ARID3A: variants seen among roughly 807,000 people sequenced by gnomAD.
ARID3A encodes the protein AT-rich interactive domain-containing protein 3A.
ARID3A carries 11 observed loss-of-function variants against 52.7 expected under a neutral mutation model. The observed-to-expected ratio is 0.21, with a 90% CI of 0.13 to 0.35. The LOEUF is 0.35. ARID3A is among the 10% of genes least tolerant of loss of function. The probability of loss-of-function intolerance (pLI) is 1.00; values close to 1 mark genes in which losing one functional copy is unlikely to be tolerated. For missense variants in ARID3A, 721 were observed against 838.5 expected (o/e 0.86, Z 1.73); for synonymous variants, 404 against 359.4 (o/e 1.12, Z -1.40).
chr19:955,858 C>G (rs188930309), intron 3 of ARID3A, among the ~76,000 whole-genome samples: 3 of 152,168 alleles, frequency 2.0e-5, no homozygotes, highest in Admixed American at 1.3e-4. Context: ...CCTCAAACCG[C>G]GGGCGTAAAA....
At chr19:946,659 T>G (rs2037689396) in intron 3 of ARID3A, among the ~76,000 whole-genome samples, 1 of 152,160 alleles carries the variant, frequency 6.6e-6, no homozygotes, top group Non-Finnish European at 1.5e-5. Flanking sequence ...CAGGCTGGTC[T>G]CAAGCTCCTG....
In ARID3A at chr19:959,596, C is replaced by A. The variant is rs1207604670; in HGVS notation, c.694-496C>A. Among the ~76,000 whole-genome samples the A allele has an allele frequency of 3.3e-5, 5 of 152,116 alleles. No homozygotes were observed. Among genetic ancestry groups the A allele is most frequent in the Non-Finnish European group, 7.4e-5 (5 of 68,020 alleles). On this transcript the variant is annotated intron_variant, in intron 3 of 8. Transcript: ENST00000263620. This position sits in a 1 kb window ranked among gnomAD's most constrained non-coding sequence, Gnocchi z 5.0. ...GAAGTTGGTTTTGGACTTCTGGGCTCCGGGACCGCGGGAGAATAGATTTCT... is the reference window on the plus strand; with the variant it reads ...GAAGTTGGTTTTGGACTTCTGGGCTACGGGACCGCGGGAGAATAGATTTCT...
rs2037266136 is a variant in ARID3A, at chr19:929,319, T to G, written c.-210T>G. ...AGCCTCTGTCCCCTGGAGCCCAGCG[T>G]GAGGAAGAGGCATGCCCCATCAGCC... On this transcript the variant is annotated 5_prime_UTR_variant, in exon 2 of 9. An upstream open reading frame in the 5' UTR loses its in-frame stop. Transcript: ENST00000263620. This position sits in a 1 kb window ranked among gnomAD's most constrained non-coding sequence, Gnocchi z 6.2. 2 of 528,338 alleles carry G rather than the reference T, an allele frequency of 3.8e-6. No individual in the cohort carries two copies. Among genetic ancestry groups the G allele is most frequent in the East Asian group, 5.5e-5 (1 of 18,062 alleles). The allele number at this position is 528,338 out of a possible 1,614,324, so 32.7% of individuals were successfully genotyped here.
intron 3 of ARID3A, among the ~76,000 whole-genome samples, chr19:954,004 G>T (rs912093585): frequency 6.6e-6 from 1 of 152,166 alleles, no homozygotes; most frequent in Non-Finnish European, 1.5e-5. Context: ...CAGTGAGCTA[G>T]GGTCTCACCA....
At chr19:932,868 C>G in intron 3 of ARID3A, 126 bp downstream of exon 3, 2 of 1,476,838 alleles carry the variant, frequency 1.4e-6, no homozygotes, top group Non-Finnish European at 1.8e-6. Context: ...GGGGTTCCTG[C>G]GGTAGCTGTG....
rs114962932 is a variant in ARID3A at position 945,624 on chromosome 19, C to T, written c.693+12882C>T. On this transcript the variant is annotated intron_variant, in intron 3 of 8. Transcript: ENST00000263620. The stretch of plus-strand genomic sequence containing the variant: ...AGGTGTACCCCAAGGGACCCCGGAC[C>T]CTGAGCCCACCAGGGAGGGCCCTTC... Among the ~76,000 whole-genome samples the T allele has an allele frequency of 5.7e-3, 866 of 152,288 alleles. 9 individuals carry two copies. Among genetic ancestry groups the T allele is most frequent in the African/African-American group, 0.02 (832 of 41,554 alleles).
chr19:932,690 A>G lies in ARID3A; in HGVS notation c.641A>G (p.Gln214Arg). ...GGAGGGGCCGCCCACGTAGCCCCGCAGCTGCAGCCGCCTGACCACGGCGAC... is the reference window on the plus strand; with the variant it reads ...GGAGGGGCCGCCCACGTAGCCCCGCGGCTGCAGCCGCCTGACCACGGCGAC... ...HPGGAAHVAP[Q>R]LQPPDHGDWT... is the part of the protein sequence containing the mutation. The change falls in exon 3 of 9, where the codon CAG (glutamine) becomes CGG (arginine). Residue 214 changes from glutamine to arginine, a missense_variant. By Grantham distance (43) the Gln-to-Arg change is conservative. Around this residue, in one of 5 missense-constraint regions of ARID3A, gnomAD observed 349 missense variants for 297.3 expected, o/e 1.17. Transcript: ENST00000263620. 1 of 1,546,996 alleles carries G rather than the reference A, an allele frequency of 6.5e-7. No homozygotes were observed. The highest frequency in any genetic ancestry group is 2.4e-5 in the East Asian group (1 of 40,836).
Position 947,896 on chromosome 19 carries a change from C to T in ARID3A, c.694-12196C>T, listed in dbSNP as rs1386796940. 2.0e-5 allele frequency among the ~76,000 whole-genome samples: 3 copies of T among 152,192 alleles called. No homozygotes were observed. Among genetic ancestry groups the T allele is most frequent in the Admixed American group, 6.5e-5 (1 of 15,286 alleles). ...CGGCGGGGCTCTCAGCATCTGCATC[C>T]GCCGAGGCCTGGCTGTGCTGACGGG... is the stretch of plus-strand genomic sequence containing the variant. On this transcript the variant is annotated intron_variant, in intron 3 of 8. Transcript: ENST00000263620. The surrounding 1 kb of genome is among the most constrained non-coding windows in gnomAD (Gnocchi z 6.3).
At chr19:945,142 A>G (rs982757163) in intron 3 of ARID3A, among the ~76,000 whole-genome samples, 3 of 152,072 alleles carry the variant, frequency 2.0e-5, no homozygotes, top group African/African-American at 7.2e-5. Flanking sequence ...GTGGTTATTC[A>G]TTGCTTTAAT....
At chr19:966,141 A>G (rs2038146118) in intron 6 of ARID3A, among the ~76,000 whole-genome samples, 2 of 150,702 alleles carry the variant, frequency 1.3e-5, no homozygotes, top group African/African-American at 4.9e-5. Context: ...AGCCTAAGCA[A>G]CAGAGCGAGA....
intron 3 of ARID3A, among the ~76,000 whole-genome samples, chr19:945,162 G>A (rs1464685541): frequency 1.3e-5 from 2 of 152,208 alleles, no homozygotes; most frequent in South Asian, 4.1e-4. Flanking sequence ...TGCCACCTGG[G>A]GGGAGAGAGC....
intron 8 of ARID3A, among the ~76,000 whole-genome samples, chr19:971,622 A>C (rs1436440571): frequency 6.6e-6 from 1 of 152,028 alleles, no homozygotes; most frequent in Non-Finnish European, 1.5e-5. Flanking sequence ...TCAAAAAAAA[A>C]CAAAAAAATA....
At chr19:961,110 C>T (rs1242204660) in intron 4 of ARID3A, among the ~76,000 whole-genome samples, 1 of 152,222 alleles carries the variant, frequency 6.6e-6, no homozygotes, top group East Asian at 1.9e-4. Context: ...AGGGAGCTAG[C>T]TCCGATCCCC....
At chr19:953,895 A>G (rs1003785270) in intron 3 of ARID3A, among the ~76,000 whole-genome samples, 1 of 152,148 alleles carries the variant, frequency 6.6e-6, no homozygotes, top group South Asian at 2.1e-4. Context: ...GCAATATAGC[A>G]AGACCTTGTC....
intron 3 of ARID3A, among the ~76,000 whole-genome samples, chr19:952,771 GT>G (rs1446592449): frequency 6.6e-6 from 1 of 152,142 alleles, no homozygotes; most frequent in Middle Eastern, 3.2e-3. Context: ...GGGGGCAAAG[GT>G]TCTCCCAGGG....
rs1028593139 is a variant in ARID3A, at chr19:972,511, G to C, written c.*446G>C. ...GCACTGTGTGTTTTCATTTTTGTCT[G>C]CTTTAGTTCTCTTTTATTTTCTATT... is the stretch of plus-strand genomic sequence containing the variant. On this transcript the variant is annotated 3_prime_UTR_variant, in exon 9 of 9. Coordinates refer to ENST00000263620, the MANE Select transcript of ARID3A (RefSeq NM_005224.3). The C allele has an allele frequency of 4.6e-6, 1 of 216,504 alleles. No homozygotes were observed. The highest frequency in any genetic ancestry group is 9.3e-6 in the Non-Finnish European group (1 of 107,446). 13.4% of individuals were successfully genotyped at this position (216,504 alleles called of 1,614,324 possible).
rs1443989512 is a variant in ARID3A, at chr19:941,751, TG to T, written c.693+9011del. 1.3e-5 allele frequency among the ~76,000 whole-genome samples: 2 copies of T among 151,728 alleles called. No homozygotes were observed. Among genetic ancestry groups the T allele is most frequent in the Non-Finnish European group, 2.9e-5 (2 of 67,992 alleles). Reference sequence around the variant, plus strand: ...ACAGGCGTGAGCTGCTGTGCCGGACTGGTCTCTTGTGTTTTGTGTGGATGTG... The same window carrying T: ...ACAGGCGTGAGCTGCTGTGCCGGACTGTCTCTTGTGTTTTGTGTGGATGTG... On this transcript the variant is annotated intron_variant, in intron 3 of 8. Coordinates refer to ENST00000263620, the MANE Select transcript of ARID3A (RefSeq NM_005224.3). This position sits in a 1 kb window ranked among gnomAD's most constrained non-coding sequence, Gnocchi z 6.9.
Position 929,579 on chromosome 19 carries a change from G to A in ARID3A, c.51G>A (p.Ala17=), listed in dbSNP as rs1021489100. 3.1e-5 allele frequency: 47 copies of A among 1,523,376 alleles called. No individual in the cohort carries two copies. The highest frequency in any genetic ancestry group is 1.4e-4 in the African/African-American group (10 of 71,172). The allele number at this position is 1,523,376 out of a possible 1,614,324, so 94.4% of individuals were successfully genotyped here. Residue 17 remains alanine, a synonymous_variant, in exon 2 of 9, where the codon GCG becomes GCA. Transcript: ENST00000263620. The surrounding 1 kb of genome is among the most constrained non-coding windows in gnomAD (Gnocchi z 6.2). ...CGCTGTTGCAGCGGCAGCAGCGGGC[G>A]CGCCAGGAGCTGGAGGCCCGGCAGC... ...METLLQRQQR[A]RQELEARQQL...
intron 3 of ARID3A, among the ~76,000 whole-genome samples, chr19:952,754 G>A (rs1241591662): frequency 1.3e-5 from 2 of 152,142 alleles, no homozygotes; most frequent in East Asian, 1.9e-4. Context: ...AGACTGGAGG[G>A]GGCCTGGGGG....
Sources: gnomAD v4.1 joint callset for allele counts (sites outside exome capture counted in the v4.1 genomes callset) on GRCh38, gnomAD v4.1.1 for gene constraint, gnomAD v4.1.1 regional missense constraint, Gnocchi (gnomAD v3.1) non-coding constraint, MANE v1.5 for transcripts, NCBI Gene and HGNC (gene_info 2026-07-23, HGNC 2026-07-21) for gene names.